The following VSNL1 variants were observed in gnomAD, a reference collection of about 807,000 sequenced individuals.
VSNL1 encodes the protein visinin like 1.
In VSNL1, 6 loss-of-function variants were observed where a neutral mutation model predicts 20.4. The ratio of observed to expected loss-of-function variants is 0.29; its 90% CI spans 0.16 to 0.58. The LOEUF is 0.58. Ranked by LOEUF, VSNL1 falls within the 20% of genes least tolerant of loss-of-function variation. The pLI, the probability that VSNL1 is intolerant of heterozygous loss-of-function variation, is 0.90. For missense variants in VSNL1, 100 were observed against 234.5 expected, an observed-to-expected ratio of 0.43 and a Z score of 3.75; for synonymous variants, 93 against 86.4, an observed-to-expected ratio of 1.08 and a Z score of -0.42.
At chr2:17,574,924 G>T (rs1444764664) in intron 1 of VSNL1, among the ~76,000 whole-genome samples, 2 of 152,010 alleles carry the variant, frequency 1.3e-5, no homozygotes, top group East Asian at 3.8e-4. Context: ...ACACCACCAT[G>T]CCCAGCTAAT....
chr2:17,643,696 T>C (rs1665931445), intron 2 of VSNL1, among the ~76,000 whole-genome samples: 1 of 152,168 alleles, frequency 6.6e-6, no homozygotes, highest in South Asian at 2.1e-4. Flanking sequence ...TCTTCACAAT[T>C]GTAACAAATG....
At chr2:17,642,797 G>A (rs1481804443) in intron 2 of VSNL1, among the ~76,000 whole-genome samples, 1 of 152,242 alleles carries the variant, frequency 6.6e-6, no homozygotes, top group Non-Finnish European at 1.5e-5. Context: ...GGAGGCGAAA[G>A]CCCCTTCTCT....
At chr2:17,572,920 C>A (rs1664115362) in intron 1 of VSNL1, among the ~76,000 whole-genome samples, 1 of 152,222 alleles carries the variant, frequency 6.6e-6, no homozygotes, top group Non-Finnish European at 1.5e-5. Flanking sequence ...ATAATAGCCA[C>A]ATGAATCTCT....
intron 2 of VSNL1, among the ~76,000 whole-genome samples, chr2:17,645,158 C>T (rs1390031993): frequency 6.6e-6 from 1 of 152,242 alleles, no homozygotes; most frequent in African/African-American, 2.4e-5. Context: ...CTGAGGGCTG[C>T]CCAGTGTTAG....
intron 2 of VSNL1, among the ~76,000 whole-genome samples, chr2:17,610,712 A>C (rs191855655): frequency 1.2e-4 from 19 of 152,342 alleles, no homozygotes; most frequent in African/African-American, 4.3e-4. Context: ...AGGACAGAGA[A>C]CATGATGCGG....
At chr2:17,642,309 C>CTTTTTTTTTTGTTTTTTTTTTTTTTTTT (rs1665898137) in intron 2 of VSNL1, among the ~76,000 whole-genome samples, 1 of 93,194 alleles carries the variant, frequency 1.1e-5, no homozygotes, top group Non-Finnish European at 2.3e-5. Context: ...GTGAGCATTC[C>CTTTTTTTTTTGTTTTTTTTTTTTTTTTT]TTTTTTTTTT....
intron 1 of VSNL1, among the ~76,000 whole-genome samples, chr2:17,552,130 G>C (rs1443797622): frequency 6.6e-6 from 1 of 150,912 alleles, no homozygotes; most frequent in African/African-American, 2.4e-5. Context: ...AACCCGGGAG[G>C]CGGAGCTTGC....
chr2:17,548,028 A>G (rs2103336524), intron 1 of VSNL1, among the ~76,000 whole-genome samples: 1 of 151,614 alleles, frequency 6.6e-6, no homozygotes, highest in African/African-American at 2.4e-5. Context: ...CTCTCCCCAC[A>G]CCTCCTCTAT....
chr2:17,579,228 G>T (rs1664292419), intron 1 of VSNL1, among the ~76,000 whole-genome samples: 1 of 151,778 alleles, frequency 6.6e-6, no homozygotes, highest in Non-Finnish European at 1.5e-5. Flanking sequence ...CCATTCTCCT[G>T]CCTCAGCCTC....
At chr2:17,549,671 G>A (rs900452641) in intron 1 of VSNL1, among the ~76,000 whole-genome samples, 3 of 152,086 alleles carry the variant, frequency 2.0e-5, no homozygotes, top group Non-Finnish European at 2.9e-5. Flanking sequence ...CTTCTTTGGG[G>A]AAAAATGCTT....
Position 17,655,415 on chromosome 2 carries a change from C to A in VSNL1, c.*21C>A. ...AATGAGCTGATGTCAATGCTATGGA[C>A]TGCACAAAAGTCTCAATGTTCCATT... On this transcript the variant is annotated 3_prime_UTR_variant, in exon 4 of 4. Transcript: ENST00000295156. The surrounding 1 kb of genome is among the most constrained non-coding windows in gnomAD (Gnocchi z 5.2). The A allele has an allele frequency of 6.3e-7, 1 of 1,589,108 alleles. No individual in the cohort carries two copies. Among genetic ancestry groups the A allele is most frequent in the Non-Finnish European group, 8.6e-7 (1 of 1,167,000 alleles).
chr2:17,592,461 T>A (rs1664612011), intron 2 of VSNL1, among the ~76,000 whole-genome samples: 1 of 152,062 alleles, frequency 6.6e-6, no homozygotes. Context: ...ATCAAAGCAC[T>A]GAATAGAGCT....
chr2:17,647,809 G>T (rs989968686), intron 2 of VSNL1, among the ~76,000 whole-genome samples: 1 of 152,020 alleles, frequency 6.6e-6, no homozygotes, highest in Admixed American at 6.6e-5. Flanking sequence ...GTGCAGTCTC[G>T]GAACACAGAG....
At chr2:17,651,659 C>T (rs76895807) in intron 3 of VSNL1, among the ~76,000 whole-genome samples, 2,455 of 152,310 alleles carry the variant, frequency 0.016, 19 homozygotes, top group African/African-American at 0.023. Context: ...CACCAAGGCC[C>T]GGTGGGCAGT....
chr2:17,634,686 G>A lies in VSNL1; in HGVS notation c.163-14724G>A, dbSNP rs1013617154. 6.6e-6 allele frequency among the ~76,000 whole-genome samples: 1 copy of A among 152,162 alleles called. No homozygotes were observed. Among genetic ancestry groups the A allele is most frequent in the Non-Finnish European group, 1.5e-5 (1 of 68,020 alleles). The stretch of plus-strand genomic sequence containing the variant: ...CGTAGTAGGGTGAGGAGGAAAACAG[G>A]TATTTTTGTATGTTCGTTTTTTGTT... On this transcript the variant is annotated intron_variant, in intron 2 of 3. Coordinates refer to ENST00000295156, the MANE Select transcript of VSNL1 (RefSeq NM_003385.5). The surrounding 1 kb of genome is among the most constrained non-coding windows in gnomAD (Gnocchi z 4.3).
At chr2:17,556,665 C>CAGGGACTT (rs1315576551) in intron 1 of VSNL1, among the ~76,000 whole-genome samples, 2 of 152,184 alleles carry the variant, frequency 1.3e-5, no homozygotes, top group African/African-American at 4.8e-5. Flanking sequence ...CTAAGTCCCA[C>CAGGGACTT]AGTTCTTTCC....
At chr2:17,626,185 T>C (rs771364187) in intron 2 of VSNL1, among the ~76,000 whole-genome samples, 10 of 152,278 alleles carry the variant, frequency 6.6e-5, no homozygotes, top group Non-Finnish European at 1.0e-4. Flanking sequence ...GACCCCAATA[T>C]GCCCCACCTG....
chr2:17,572,196 A>G (rs1213261127), intron 1 of VSNL1, among the ~76,000 whole-genome samples: 1 of 152,212 alleles, frequency 6.6e-6, no homozygotes, highest in Non-Finnish European at 1.5e-5. Context: ...AGAGATATGG[A>G]GGAGCCAAAT....
At chr2:17,578,316 T>C (rs1664265890) in intron 1 of VSNL1, among the ~76,000 whole-genome samples, 1 of 152,232 alleles carries the variant, frequency 6.6e-6, no homozygotes, top group South Asian at 2.1e-4. Context: ...CTTTGGATTC[T>C]GCCATGGTTA....
Sources: allele counts gnomAD v4.1 joint callset (sites outside exome capture counted in the v4.1 genomes callset), GRCh38; gene constraint gnomAD v4.1.1; non-coding constraint Gnocchi (gnomAD v3.1); transcripts MANE v1.5; gene names NCBI Gene and HGNC (gene_info 2026-07-23, HGNC 2026-07-21).